Variants in ZBTB7C observed in about 807,000 individuals in gnomAD.
The protein encoded by ZBTB7C is zinc finger and BTB domain containing 7C, also known as zinc finger and BTB domain-containing protein 7C.
A neutral mutation model predicts 25.7 loss-of-function variants in ZBTB7C; 8 were observed. The observed-to-expected ratio is 0.31, with a 90% CI of 0.18 to 0.56. The LOEUF (loss-of-function observed/expected upper bound fraction) is 0.56. Ranked by LOEUF, ZBTB7C falls within the 20% of genes least tolerant of loss-of-function variation. The probability of loss-of-function intolerance (pLI) is 0.91; values close to 1 mark genes in which losing one functional copy is unlikely to be tolerated. For synonymous variants in ZBTB7C, 394 were observed against 369.0 expected (o/e 1.07, Z -0.78); for missense variants, 824 against 855.2 (o/e 0.96, Z 0.46).
chr18:48,056,297 T>C (rs1431119522), intron 3 of ZBTB7C, among the ~76,000 whole-genome samples: 1 of 152,194 alleles, frequency 6.6e-6, no homozygotes, highest in Non-Finnish European at 1.5e-5. Flanking sequence ...AAGATGCCAA[T>C]TTCCCCTAAA....
At chr18:48,136,945 C>A in intron 3 of ZBTB7C, 4 of 975,610 alleles carry the variant, frequency 4.1e-6, no homozygotes, top group Non-Finnish European at 4.9e-6. Flanking sequence ...ACGGCCCGGC[C>A]GCTGGGCTCC....
At chr18:48,401,615 G>A (rs1374663181) in intron 1 of ZBTB7C, among the ~76,000 whole-genome samples, 1 of 152,096 alleles carries the variant, frequency 6.6e-6, no homozygotes, top group Non-Finnish European at 1.5e-5. Context: ...AGGCAGGGAG[G>A]GGCCTCAGAA....
intron 1 of ZBTB7C, among the ~76,000 whole-genome samples, chr18:48,353,595 C>A (rs1215015808): frequency 6.6e-6 from 1 of 152,140 alleles, no homozygotes; most frequent in African/African-American, 2.4e-5. Context: ...ATTCTCCAAT[C>A]CCATCTGATG....
intron 3 of ZBTB7C, chr18:48,072,697 T>C (rs2037595643): frequency 6.6e-6 from 1 of 152,192 alleles, no homozygotes; most frequent in African/African-American, 2.4e-5. Context: ...GAGATATTTT[T>C]AGGATGGGAT....
In ZBTB7C at chr18:48,389,756, T is replaced by A. The variant is rs535825440; in HGVS notation, c.-304+19470A>T. Reference sequence around the variant, plus strand: ...GGATCAACACTGGAAAGGAGAACGCTCAGAGGAAAGTGAGCAACCATGCCC... The same window carrying A: ...GGATCAACACTGGAAAGGAGAACGCACAGAGGAAAGTGAGCAACCATGCCC... On this transcript the variant is annotated intron_variant, in intron 1 of 4. Transcript: ENST00000590800. Among the ~76,000 whole-genome samples the A allele has an allele frequency of 3.1e-4, 47 of 152,214 alleles. 1 individual carries two copies. In the South Asian group the frequency reaches 9.8e-3, roughly 32 times the overall value.
chr18:48,337,077 CCTT>C (rs2046473526), intron 2 of ZBTB7C, among the ~76,000 whole-genome samples: 1 of 152,228 alleles, frequency 6.6e-6, no homozygotes, highest in Admixed American at 6.5e-5. Context: ...TTTCTAGATT[CCTT>C]CTTCAACTTA....
Position 48,405,657 on chromosome 18 carries a change from G to A in ZBTB7C, c.-304+3569C>T, listed in dbSNP as rs551103647. ...TCCCCTAGGGCAGCTGGCACTCCAAGAAGCCCTGCAGGATGCTGCACACAG... is the reference window on the plus strand; with the variant it reads ...TCCCCTAGGGCAGCTGGCACTCCAAAAAGCCCTGCAGGATGCTGCACACAG... On this transcript the variant is annotated intron_variant, in intron 1 of 4. Transcript: ENST00000590800. Among the ~76,000 whole-genome samples, 8 of 152,258 alleles carry A rather than the reference G, an allele frequency of 5.3e-5. No homozygotes were observed. In the East Asian group the frequency reaches 1.5e-3, roughly 29 times the overall value.
chr18:48,152,401 G>A (rs2040707027), intron 3 of ZBTB7C, among the ~76,000 whole-genome samples: 1 of 152,130 alleles, frequency 6.6e-6, no homozygotes, highest in Admixed American at 6.5e-5. Flanking sequence ...ATTATATATT[G>A]TTTTACCTAT....
intron 2 of ZBTB7C, among the ~76,000 whole-genome samples, chr18:48,302,429 C>T (rs181001618): frequency 6.7e-6 from 1 of 148,828 alleles, no homozygotes; most frequent in East Asian, 1.9e-4. Flanking sequence ...AGAGCTCTCT[C>T]TATATATAAT....
chr18:48,116,350 C>T (rs1428203066), intron 3 of ZBTB7C, among the ~76,000 whole-genome samples: 1 of 152,220 alleles, frequency 6.6e-6, no homozygotes, highest in Non-Finnish European at 1.5e-5. Context: ...AGTGCCAGCT[C>T]CATGTGTGCT....
rs956516918 is a variant in ZBTB7C at position 48,093,625 on chromosome 18, A to C, written c.-16-52502T>G. ...GCAGTGATTAAAAAAAAACAAAAAAAACACACACACAGAGATTCATCTTGA... is the reference window on the plus strand; with the variant it reads ...GCAGTGATTAAAAAAAAACAAAAAACACACACACACAGAGATTCATCTTGA... On this transcript the variant is annotated intron_variant, in intron 3 of 4. Coordinates refer to ENST00000590800, the MANE Select transcript of ZBTB7C (RefSeq NM_001318841.2). 1.3e-4 allele frequency among the ~76,000 whole-genome samples: 20 copies of C among 152,108 alleles called. No homozygotes were observed. In the East Asian group the frequency reaches 2.9e-3, roughly 22 times the overall value.
intron 2 of ZBTB7C, among the ~76,000 whole-genome samples, chr18:48,262,965 C>T (rs192267703): frequency 5.3e-5 from 8 of 152,326 alleles, no homozygotes; most frequent in Non-Finnish European, 1.0e-4. Flanking sequence ...ATGCTCCTAC[C>T]ACCAGAATGC....
chr18:48,149,802 C>CTTTT (rs1169339935), intron 3 of ZBTB7C: 5 of 124,306 alleles, frequency 4.0e-5, no homozygotes, highest in South Asian at 3.0e-4. Context: ...TCTTCTTCTT[C>CTTTT]TTCTTTTTTT....
At chr18:48,127,191 C>T (rs1441804412) in intron 3 of ZBTB7C, among the ~76,000 whole-genome samples, 1 of 152,160 alleles carries the variant, frequency 6.6e-6, no homozygotes, top group Non-Finnish European at 1.5e-5. Flanking sequence ...GCCACGGAGC[C>T]TGCAGATGAC....
intron 3 of ZBTB7C, among the ~76,000 whole-genome samples, chr18:48,144,536 G>T (rs971128710): frequency 1.3e-5 from 2 of 152,006 alleles, no homozygotes; most frequent in African/African-American, 4.8e-5. Flanking sequence ...GGTAGAGACA[G>T]GGTTTTGTTA....
chr18:48,355,400 T>G (rs1282393088), intron 1 of ZBTB7C, among the ~76,000 whole-genome samples: 1 of 152,194 alleles, frequency 6.6e-6, no homozygotes, highest in African/African-American at 2.4e-5. Flanking sequence ...GGAGCCAAAC[T>G]GCTGTTGATT....
intron 2 of ZBTB7C, among the ~76,000 whole-genome samples, chr18:48,231,095 C>T (rs756377772): frequency 2.6e-5 from 4 of 152,160 alleles, no homozygotes; most frequent in Non-Finnish European, 5.9e-5. Context: ...TTGGCACTAA[C>T]AGCCTGGGCG....
chr18:48,228,743 T>A lies in ZBTB7C; in HGVS notation c.-78-42748A>T, dbSNP rs62088921. Among the ~76,000 whole-genome samples, 494 of 135,914 alleles carry A rather than the reference T, an allele frequency of 3.6e-3. 2 individuals are homozygous for A. The highest frequency in any genetic ancestry group is 0.014 in the Middle Eastern group (4 of 286). The allele number at this position is 135,914 out of a possible 152,430, so 89.2% of individuals were successfully genotyped here. ...GTCTCTCTCTCTCTGTCTCTCTCTC[T>A]CTCTCACACACACACACACACACAC... On this transcript the variant is annotated intron_variant, in intron 2 of 4. Coordinates refer to ENST00000590800, the MANE Select transcript of ZBTB7C (RefSeq NM_001318841.2).
intron 1 of ZBTB7C, among the ~76,000 whole-genome samples, chr18:48,338,802 C>G (rs967107178): frequency 1.3e-5 from 2 of 151,992 alleles, no homozygotes; most frequent in Non-Finnish European, 2.9e-5. Context: ...GATGCATGTT[C>G]TCGCATGTGA....
Sources: gnomAD v4.1 joint callset for allele counts (sites outside exome capture counted in the v4.1 genomes callset) on GRCh38, gnomAD v4.1.1 for gene constraint, MANE v1.5 for transcripts, NCBI Gene and HGNC (gene_info 2026-07-23, HGNC 2026-07-21) for gene names.